Variants in PIK3CD observed in about 807,000 individuals in gnomAD.
PIK3CD encodes phosphatidylinositol 4,5-bisphosphate 3-kinase catalytic subunit delta isoform.
PIK3CD carries 20 observed loss-of-function variants against 122.9 expected under a neutral mutation model. That is an observed-to-expected ratio of 0.16 (90% CI 0.11 to 0.24). PIK3CD has a LOEUF of 0.24. PIK3CD is among the 10% of genes least tolerant of loss of function. The probability of loss-of-function intolerance (pLI) is 1.00; values close to 1 mark genes in which losing one functional copy is unlikely to be tolerated. For synonymous variants in PIK3CD, 596 were observed against 593.4 expected, an observed-to-expected ratio of 1.00 and a Z score of -0.06; for missense variants, 787 against 1,406.3, an observed-to-expected ratio of 0.56 and a Z score of 7.04.
intron 1 of PIK3CD, among the ~76,000 whole-genome samples, chr1:9,665,201 C>CAAAAAA (rs756515572): frequency 1.9e-5 from 1 of 52,976 alleles, no homozygotes. Flanking sequence ...GACAGCCTGT[C>CAAAAAA]AAAAAAAAAA....
At chr1:9,629,076 G>A in the PIK3CD span, among the ~76,000 whole-genome samples, 1 of 152,168 alleles carries the variant, frequency 6.6e-6, no homozygotes, top group African/African-American at 2.4e-5. Context: ...CCCCAGTGAG[G>A]CCACCTGAGG....
chr1:9,667,628 G>A (rs780345250), intron 1 of PIK3CD, among the ~76,000 whole-genome samples: 16 of 151,884 alleles, frequency 1.1e-4, no homozygotes, highest in African/African-American at 1.7e-4. Flanking sequence ...TGCCCGCCTC[G>A]GCCTCCGAAA....
the PIK3CD span, among the ~76,000 whole-genome samples, chr1:9,631,562 A>G: frequency 2.0e-5 from 3 of 152,244 alleles, no homozygotes; most frequent in African/African-American, 7.2e-5. Flanking sequence ...AGGCTGAGGC[A>G]GGAGAATCGT....
chr1:9,714,684 C>T (rs969132995), intron 3 of PIK3CD, among the ~76,000 whole-genome samples: 3 of 152,076 alleles, frequency 2.0e-5, no homozygotes, highest in Non-Finnish European at 2.9e-5. Flanking sequence ...CATAGTTAGC[C>T]GTTGCCCTTT....
chr1:9,660,173 A>G (rs1012427301), intron 1 of PIK3CD, among the ~76,000 whole-genome samples: 1 of 152,150 alleles, frequency 6.6e-6, no homozygotes, highest in Non-Finnish European at 1.5e-5. Flanking sequence ...CGGCCTCCCA[A>G]AGTGCTGGGA....
Position 9,655,697 on chromosome 1 carries a change from CT to C in PIK3CD, c.-138+3913del, listed in dbSNP as rs576002642. 4.6e-3 allele frequency among the ~76,000 whole-genome samples: 551 copies of C among 120,710 alleles called. 1 individual carries two copies. Among genetic ancestry groups the C allele is most frequent in the African/African-American group, 0.014 (440 of 30,742 alleles). The allele number at this position is 120,710 out of a possible 152,430, so 79.2% of individuals were successfully genotyped here. A position where few individuals can be genotyped will look rare whatever the true frequency, so the allele number is the denominator to read the frequency against. On this transcript the variant is annotated intron_variant, in intron 1 of 23. Transcript: ENST00000377346. ...CCTATTACTTTCTTTCTTTTTTCTT[CT>C]TTTTTTTTTTTTTTTTTGAGACGGA...
intron 2 of PIK3CD, among the ~76,000 whole-genome samples, chr1:9,707,107 G>C (rs1456247002): frequency 6.6e-6 from 1 of 151,592 alleles, no homozygotes; most frequent in Non-Finnish European, 1.5e-5. Flanking sequence ...GCCACCATGA[G>C]CCCAGCCTTT....
chr1:9,722,396 T>G lies in PIK3CD; in HGVS notation c.2347+40T>G. 6.4e-7 allele frequency: 1 copy of G among 1,563,938 alleles called. No homozygotes were observed. The highest frequency in any genetic ancestry group is 8.8e-7 in the Non-Finnish European group (1 of 1,137,794). On this transcript the variant is annotated intron_variant, in intron 18 of 23. Coordinates refer to ENST00000377346, the MANE Select transcript of PIK3CD (RefSeq NM_005026.5). This position sits in a 1 kb window ranked among gnomAD's most constrained non-coding sequence, Gnocchi z 7.6. Reference sequence around the variant, plus strand: ...TCCCCACACCCCGCCTGTACTGCCCTGGGGGGTCCTGGGGTGCTCCTAGAG... The same window carrying G: ...TCCCCACACCCCGCCTGTACTGCCCGGGGGGGTCCTGGGGTGCTCCTAGAG...
chr1:9,649,452 C>A (rs576296754), upstream of PIK3CD, among the ~76,000 whole-genome samples: 1 of 152,216 alleles, frequency 6.6e-6, no homozygotes, highest in African/African-American at 2.4e-5. Flanking sequence ...AGGCTGGTCT[C>A]AAACTCCTGG....
chr1:9,644,455 T>C, the PIK3CD span, among the ~76,000 whole-genome samples: 1 of 146,674 alleles, frequency 6.8e-6, no homozygotes, highest in African/African-American at 2.5e-5. Context: ...GAAGCGGAGG[T>C]TGCAGTGAGC....
chr1:9,654,389 G>A (rs1644777196), intron 1 of PIK3CD: 1 of 1,367,614 alleles, frequency 7.3e-7, no homozygotes, highest in African/African-American at 1.5e-5. Context: ...GATCACACGG[G>A]GTGCCAGGGG....
intron 1 of PIK3CD, among the ~76,000 whole-genome samples, chr1:9,669,533 T>C (rs1452489292): frequency 6.6e-6 from 1 of 152,148 alleles, no homozygotes; most frequent in Non-Finnish European, 1.5e-5. Flanking sequence ...AAGTATACAT[T>C]GGTTCAGGTC....
the PIK3CD span, among the ~76,000 whole-genome samples, chr1:9,643,746 C>G: frequency 6.6e-6 from 1 of 152,204 alleles, no homozygotes; most frequent in Non-Finnish European, 1.5e-5. Context: ...GATGAGGAAG[C>G]AGAGGCATAG....
chr1:9,653,335 A>G (rs1010958204), intron 1 of PIK3CD: 16 of 174,458 alleles, frequency 9.2e-5, no homozygotes, highest in Non-Finnish European at 1.9e-4. Context: ...CAGCTGGACA[A>G]CTGTAGGAGC....
chr1:9,721,102 C>T, intron 13 of PIK3CD, 25 bp from the exon 14 acceptor site: 1 of 1,605,186 alleles, frequency 6.2e-7, no homozygotes, highest in Non-Finnish European at 8.5e-7. Flanking sequence ...CGGCCGCCCC[C>T]AAGCCTGACC....
At chr1:9,678,455 A>G (rs1645624216) in intron 1 of PIK3CD, among the ~76,000 whole-genome samples, 1 of 152,108 alleles carries the variant, frequency 6.6e-6, no homozygotes, top group Non-Finnish European at 1.5e-5. Flanking sequence ...CCCTGTCTCC[A>G]AAAAAGAAAA....
At chr1:9,682,506 G>A (rs1449563203) in intron 1 of PIK3CD, among the ~76,000 whole-genome samples, 2 of 151,662 alleles carry the variant, frequency 1.3e-5, no homozygotes, top group South Asian at 2.1e-4. Context: ...CCAAAGCGCC[G>A]GGATTATAGG....
Position 9,722,164 on chromosome 1 carries a change from G to A in PIK3CD, c.2234+11G>A, listed in dbSNP as rs201442212. 5 of 1,604,732 alleles carry A rather than the reference G, an allele frequency of 3.1e-6. No homozygotes were observed. The East Asian group carries it at 1.1e-4, about 36-fold the overall frequency. On this transcript the variant is annotated intron_variant, in intron 17 of 23. Transcript: ENST00000377346. This position sits in a 1 kb window ranked among gnomAD's most constrained non-coding sequence, Gnocchi z 7.6. The stretch of plus-strand genomic sequence containing the variant: ...GCTGGCTGAAGTCTGGTGAGCCCAA[G>A]CCCCGCCACAAGGGTTCCTCCCACC...
Position 9,723,103 on chromosome 1 carries a change from G to GT in PIK3CD, c.2427-21dup. On this transcript the variant is annotated intron_variant, in intron 19 of 23. Transcript: ENST00000377346. This position sits in a 1 kb window ranked among gnomAD's most constrained non-coding sequence, Gnocchi z 4.9. ...CAGCCCTTGACCATGCCATTTGCCCGTCCCTCTTCCCCCTTGCCTAGGATG... is the reference window on the plus strand; with the variant it reads ...CAGCCCTTGACCATGCCATTTGCCCGTTCCCTCTTCCCCCTTGCCTAGGATG... 1 of 1,612,670 alleles carries GT rather than the reference G, an allele frequency of 6.2e-7. No homozygotes were observed.
Sources: gnomAD v4.1 joint callset for allele counts (sites outside exome capture counted in the v4.1 genomes callset) on GRCh38, gnomAD v4.1.1 for gene constraint, Gnocchi (gnomAD v3.1) non-coding constraint, MANE v1.5 for transcripts, NCBI Gene and HGNC (gene_info 2026-07-23, HGNC 2026-07-21) for gene names.